Variants in FGF14 observed in about 807,000 individuals in gnomAD.
FGF14 encodes the protein fibroblast growth factor homologous factor 4.
FGF14 carries 5 observed loss-of-function variants against 25.5 expected under a neutral mutation model. The observed-to-expected ratio is 0.20, with a 90% confidence interval of 0.10 to 0.41. FGF14 has a LOEUF of 0.41. Ranked by LOEUF, FGF14 falls within the 10% of genes least tolerant of loss-of-function variation. The pLI is 1.00. For missense variants in FGF14, 222 were observed against 320.1 expected, an observed-to-expected ratio of 0.69 and a Z score of 2.34; for synonymous variants, 138 against 118.3, an observed-to-expected ratio of 1.17 and a Z score of -1.08.
At chr13:102,004,146 T>C (rs182591845) in intron 1 of FGF14, among the ~76,000 whole-genome samples, 2 of 151,992 alleles carry the variant, frequency 1.3e-5, no homozygotes, top group Admixed American at 6.5e-5. Flanking sequence ...TAAAATAAAA[T>C]AGCATTTACT....
chr13:101,734,778 G>A (rs1321763067), intron 3 of FGF14, among the ~76,000 whole-genome samples: 1 of 152,084 alleles, frequency 6.6e-6, no homozygotes, highest in Non-Finnish European at 1.5e-5. Flanking sequence ...TTTTAGAACT[G>A]AAGAAACCGA....
At chr13:102,150,569 A>T (rs973188320) in intron 1 of FGF14, among the ~76,000 whole-genome samples, 7 of 152,130 alleles carry the variant, frequency 4.6e-5, no homozygotes, top group Non-Finnish European at 8.8e-5. Flanking sequence ...CCTCCTTTAA[A>T]CATGACAAGC....
intron 1 of FGF14, among the ~76,000 whole-genome samples, chr13:102,023,380 A>G (rs1358235496): frequency 6.6e-6 from 1 of 152,064 alleles, no homozygotes; most frequent in Non-Finnish European, 1.5e-5. Flanking sequence ...TAGAGATTAG[A>G]CATCTCATGG....
intron 1 of FGF14, among the ~76,000 whole-genome samples, chr13:101,961,425 A>C (rs4771412): frequency 0.1 from 15,940 of 152,136 alleles, 963 homozygotes; most frequent in Admixed American, 0.2. Context: ...ATTTTCCCAG[A>C]ACCATTTATT....
At chr13:102,401,669 G>A (rs765697478) in exon 1 of FGF14, 9 of 1,613,670 alleles carry the variant, frequency 5.6e-6, no homozygotes, top group East Asian at 2.2e-5. Flanking sequence ...AGGGGCACCG[G>A]TTTTACCATA....
At chr13:101,985,631 G>T (rs988373840) in intron 1 of FGF14, among the ~76,000 whole-genome samples, 4 of 152,048 alleles carry the variant, frequency 2.6e-5, no homozygotes, top group Non-Finnish European at 5.9e-5. Flanking sequence ...GTCTACGGTT[G>T]TAATAAAGAA....
chr13:101,965,121 C>T (rs942766356), intron 1 of FGF14, among the ~76,000 whole-genome samples: 1 of 151,922 alleles, frequency 6.6e-6, no homozygotes, highest in Non-Finnish European at 1.5e-5. Context: ...AGGTGGGAGG[C>T]ACCCGTAATC....
At chr13:101,900,027 AT>A (rs1431274545) in intron 1 of FGF14, among the ~76,000 whole-genome samples, 6 of 152,230 alleles carry the variant, frequency 3.9e-5, no homozygotes, top group Non-Finnish European at 7.4e-5. Context: ...AAATTTAGTA[AT>A]TTTTTGTTAT....
intron 3 of FGF14, among the ~76,000 whole-genome samples, chr13:101,756,053 C>A (rs1216031930): frequency 9.9e-5 from 15 of 152,142 alleles, no homozygotes; most frequent in Admixed American, 9.8e-4. Context: ...GTTACAGATA[C>A]TATTTTAGTA....
intron 1 of FGF14, among the ~76,000 whole-genome samples, chr13:102,090,072 C>G (rs1338012222): frequency 6.6e-6 from 1 of 152,102 alleles, no homozygotes; most frequent in Admixed American, 6.5e-5. Context: ...TGCAAAATGG[C>G]TTTTTAGAAA....
rs144588454 is a variant in FGF14 at position 101,874,687 on chromosome 13, T to C, written c.304+499A>G. Reference sequence around the variant, plus strand: ...TGAATTTCAAAGTACACAACCTTTATGTTTTTTTCTATAAGAAAGTTTTTT... The same window carrying C: ...TGAATTTCAAAGTACACAACCTTTACGTTTTTTTCTATAAGAAAGTTTTTT... On this transcript the variant is annotated intron_variant, in intron 2 of 4. Transcript: ENST00000376143. Among the ~76,000 whole-genome samples, 603 of 152,262 alleles carry C rather than the reference T, an allele frequency of 4.0e-3. 3 individuals are homozygous for C. The highest frequency in any genetic ancestry group is 0.013 in the African/African-American group (559 of 41,578).
At chr13:101,755,811 T>C (rs1467981522) in intron 3 of FGF14, among the ~76,000 whole-genome samples, 3 of 152,216 alleles carry the variant, frequency 2.0e-5, no homozygotes, top group Non-Finnish European at 2.9e-5. Context: ...TTTAGCCCCA[T>C]GTCAGCTTTA....
At chr13:101,956,768 CAAA>C (rs372879439) in intron 1 of FGF14, among the ~76,000 whole-genome samples, 5 of 122,572 alleles carry the variant, frequency 4.1e-5, no homozygotes, top group South Asian at 2.7e-4. Context: ...TTCACTTTAC[CAAA>C]AAAAAAAAAA....
At chr13:101,948,474 T>A (rs35718141) in intron 1 of FGF14, among the ~76,000 whole-genome samples, 11,885 of 133,952 alleles carry the variant, frequency 0.089, 515 homozygotes, top group Non-Finnish European at 0.096. Context: ...TAAAAAAATA[T>A]ATATATATAT....
intron 3 of FGF14, among the ~76,000 whole-genome samples, chr13:101,839,994 C>G (rs1239247182): frequency 1.3e-5 from 2 of 151,880 alleles, no homozygotes; most frequent in Admixed American, 6.6e-5. Context: ...CCTTTAACTC[C>G]AGCAGTTTAA....
rs189821063 is a variant in FGF14, at chr13:101,780,759, T to G, written c.409-53949A>C. On this transcript the variant is annotated intron_variant, in intron 3 of 4. Transcript: ENST00000376143. ...TTGTGCAGTTCACCCAGAACAGAACTCATCACACAGCACTGATACACAGGC... is the reference window on the plus strand; with the variant it reads ...TTGTGCAGTTCACCCAGAACAGAACGCATCACACAGCACTGATACACAGGC... 1.2e-3 allele frequency among the ~76,000 whole-genome samples: 187 copies of G among 152,188 alleles called. 1 individual carries two copies. Among genetic ancestry groups the G allele is most frequent in the African/African-American group, 4.4e-3 (181 of 41,518 alleles).
intron 3 of FGF14, among the ~76,000 whole-genome samples, chr13:101,845,251 C>G (rs1036104285): frequency 6.6e-6 from 1 of 151,986 alleles, no homozygotes; most frequent in Non-Finnish European, 1.5e-5. Flanking sequence ...GTTTGCATGT[C>G]GAAGCATTTC....
intron 1 of FGF14, among the ~76,000 whole-genome samples, chr13:102,161,636 A>AGAAGAAGAAGAAGAAGAG (rs2047718485): frequency 9.8e-5 from 1 of 10,194 alleles, no homozygotes; most frequent in Non-Finnish European, 1.7e-4. Context: ...AAGAAGAAGA[A>AGAAGAAGAAGAAGAAGAG]GAAGAAGAAG....
At chr13:101,924,662 A>G (rs2034243755) in intron 1 of FGF14, among the ~76,000 whole-genome samples, 1 of 152,230 alleles carries the variant, frequency 6.6e-6, no homozygotes, top group Non-Finnish European at 1.5e-5. Context: ...TAATATGTGT[A>G]TAATAGTATG....
Sources: gnomAD v4.1 joint callset for allele counts (sites outside exome capture counted in the v4.1 genomes callset) on GRCh38, gnomAD v4.1.1 for gene constraint, MANE v1.5 for transcripts, NCBI Gene and HGNC (gene_info 2026-07-23, HGNC 2026-07-21) for gene names.